The following GABRG3 variants were observed in gnomAD, a reference collection of about 807,000 sequenced individuals.
GABRG3 encodes the protein gamma-aminobutyric acid type A receptor subunit gamma3.
GABRG3 carries 25 observed loss-of-function variants against 48.8 expected under a neutral mutation model. The observed-to-expected ratio is 0.51, with a 90% CI of 0.37 to 0.72. The LOEUF is 0.72. GABRG3 is among the 30% of genes least tolerant of loss of function. GABRG3 has a pLI of 0.00. For missense variants in GABRG3, 394 were observed against 577.9 expected (o/e 0.68, Z 3.26); for synonymous variants, 227 against 217.6 (o/e 1.04, Z -0.38).
At chr15:27,387,060 G>C (rs941666619) in intron 5 of GABRG3, among the ~76,000 whole-genome samples, 3 of 152,092 alleles carry the variant, frequency 2.0e-5, no homozygotes, top group African/African-American at 2.4e-5. Flanking sequence ...ATATTATAGA[G>C]AGTTACTTGT....
intron 5 of GABRG3, among the ~76,000 whole-genome samples, chr15:27,390,777 G>A (rs1896197568): frequency 6.6e-6 from 1 of 152,128 alleles, no homozygotes; most frequent in Non-Finnish European, 1.5e-5. Flanking sequence ...GGAAGTCTAT[G>A]GACAGCATTC....
rs560668984 is a variant in GABRG3 at position 27,509,669 on chromosome 15, G to T, written c.713-10303G>T. On this transcript the variant is annotated intron_variant, in intron 6 of 9. Transcript: ENST00000615808. ...GCTTAACCTCTCTTACTACATTTTT[G>T]ATTTCTTGTACTTCCATTAGATTCT... 6.6e-5 allele frequency among the ~76,000 whole-genome samples: 10 copies of T among 152,124 alleles called. 1 individual carries two copies. The East Asian group carries it at 1.2e-3, about 18-fold the overall frequency.
At chr15:27,092,358 G>A (rs1046183446) in intron 3 of GABRG3, among the ~76,000 whole-genome samples, 1 of 152,208 alleles carries the variant, frequency 6.6e-6, no homozygotes, top group African/African-American at 2.4e-5. Context: ...GAGGCAGGGC[G>A]TGTCTTTCAT....
chr15:27,264,150 C>T (rs1052045445), intron 3 of GABRG3, among the ~76,000 whole-genome samples: 6 of 151,992 alleles, frequency 3.9e-5, no homozygotes, highest in African/African-American at 1.2e-4. Flanking sequence ...AAGAAACAGA[C>T]AGCGGCCTCT....
intron 5 of GABRG3, chr15:27,363,832 C>T (rs956819202): frequency 1.3e-5 from 2 of 152,180 alleles, no homozygotes; most frequent in African/African-American, 2.4e-5. Flanking sequence ...GCAGGAGCGG[C>T]GCTGTCTTTG....
intron 3 of GABRG3, among the ~76,000 whole-genome samples, chr15:27,118,279 G>T (rs1389096945): frequency 1.3e-5 from 2 of 152,158 alleles, no homozygotes; most frequent in African/African-American, 4.8e-5. Context: ...ACTACTGGCA[G>T]CATGGCTTAT....
chr15:27,059,566 A>T (rs1896610204), intron 3 of GABRG3, among the ~76,000 whole-genome samples: 1 of 152,240 alleles, frequency 6.6e-6, no homozygotes, highest in Non-Finnish European at 1.5e-5. Context: ...TCAAGAATAT[A>T]ACTGTTCACC....
At chr15:27,105,856 CA>C (rs1897440676) in intron 3 of GABRG3, among the ~76,000 whole-genome samples, 1 of 151,958 alleles carries the variant, frequency 6.6e-6, no homozygotes. Flanking sequence ...CCACAATAGC[CA>C]AGATATGGAA....
intron 6 of GABRG3, among the ~76,000 whole-genome samples, chr15:27,499,269 C>T (rs1043071773): frequency 3.3e-5 from 5 of 152,134 alleles, no homozygotes; most frequent in African/African-American, 1.2e-4. Flanking sequence ...AAGCACTTAT[C>T]GATCTCAGAC....
chr15:27,424,383 G>A (rs995166819), intron 5 of GABRG3, among the ~76,000 whole-genome samples: 2 of 152,122 alleles, frequency 1.3e-5, no homozygotes, highest in African/African-American at 4.8e-5. Context: ...AGTGTCTACT[G>A]AGGGCTGCCC....
At chr15:27,522,515 C>G (rs917931889) in intron 7 of GABRG3, among the ~76,000 whole-genome samples, 1 of 151,404 alleles carries the variant, frequency 6.6e-6, no homozygotes, top group South Asian at 2.1e-4. Context: ...CTTATGACAT[C>G]AGAAAAAATA....
intron 2 of GABRG3, among the ~76,000 whole-genome samples, chr15:26,999,667 T>C (rs1441557938): frequency 6.6e-6 from 1 of 152,196 alleles, no homozygotes; most frequent in East Asian, 1.9e-4. Flanking sequence ...CATTAAATGT[T>C]AAAAATTTCA....
intron 5 of GABRG3, among the ~76,000 whole-genome samples, chr15:27,465,416 A>G (rs1889576536): frequency 6.6e-6 from 1 of 152,226 alleles, no homozygotes; most frequent in Non-Finnish European, 1.5e-5. Flanking sequence ...CACAATTGGA[A>G]AACCTTTCCT....
intron 3 of GABRG3, among the ~76,000 whole-genome samples, chr15:27,227,366 G>A (rs1343953998): frequency 6.6e-6 from 1 of 151,620 alleles, no homozygotes; most frequent in Non-Finnish European, 1.5e-5. Flanking sequence ...GCGTGGTGGT[G>A]TGCACCTGTA....
At chr15:27,383,995 C>G (rs983343646) in intron 5 of GABRG3, among the ~76,000 whole-genome samples, 18 of 152,120 alleles carry the variant, frequency 1.2e-4, no homozygotes, top group Non-Finnish European at 2.4e-4. Context: ...TCTTTAGAAA[C>G]AAGCTATAAT....
At chr15:27,330,563 A>G (rs1398357842) in intron 5 of GABRG3, among the ~76,000 whole-genome samples, 2 of 152,258 alleles carry the variant, frequency 1.3e-5, no homozygotes, top group African/African-American at 4.8e-5. Context: ...AATCATTCAC[A>G]GAGCCTTTTA....
At chr15:27,126,417 C>T (rs918742383) in intron 3 of GABRG3, among the ~76,000 whole-genome samples, 2 of 152,122 alleles carry the variant, frequency 1.3e-5, no homozygotes, top group Non-Finnish European at 2.9e-5. Flanking sequence ...TCTTTCCCAC[C>T]GACAGTAGCA....
chr15:27,256,500 G>C (rs149202217), intron 3 of GABRG3, among the ~76,000 whole-genome samples: 15 of 150,492 alleles, frequency 1.0e-4, no homozygotes, highest in African/African-American at 2.7e-4. Context: ...GGGTAGGGGG[G>C]GCGGGGAGAA....
intron 3 of GABRG3, among the ~76,000 whole-genome samples, chr15:27,211,258 A>G (rs1267823006): frequency 6.6e-6 from 1 of 152,182 alleles, no homozygotes; most frequent in African/African-American, 2.4e-5. Context: ...CAGTGCCATG[A>G]TTTATTATTT....
Sources: gnomAD v4.1 joint callset for allele counts (sites outside exome capture counted in the v4.1 genomes callset) on GRCh38, gnomAD v4.1.1 for gene constraint, MANE v1.5 for transcripts, NCBI Gene and HGNC (gene_info 2026-07-23, HGNC 2026-07-21) for gene names.